The following OSBPL5 variants were observed in gnomAD, a reference collection of about 807,000 sequenced individuals.
OSBPL5 encodes oxysterol binding protein like 5, also known as oxysterol-binding protein-related protein 5.
Under a neutral mutation model 111.2 loss-of-function variants are expected in OSBPL5, and 71 were observed. The ratio of observed to expected loss-of-function variants is 0.64; its 90% CI spans 0.53 to 0.78. The LOEUF (loss-of-function observed/expected upper bound fraction) is 0.78. Ranked by LOEUF, OSBPL5 falls within the 30% of genes least tolerant of loss-of-function variation. The probability of loss-of-function intolerance (pLI) is 0.00; values close to 1 mark genes in which losing one functional copy is unlikely to be tolerated. For missense variants in OSBPL5, 1,210 were observed against 1,189.3 expected (o/e 1.02, Z -0.26); for synonymous variants, 549 against 513.9 (o/e 1.07, Z -0.93).
intron 2 of OSBPL5, among the ~76,000 whole-genome samples, chr11:3,128,302 A>G (rs78888544): frequency 0.18 from 27,167 of 152,066 alleles, 2,416 homozygotes; most frequent in African/African-American, 0.21. Context: ...GTGGGAGGAG[A>G]GGGGGCAGAG....
intron 1 of OSBPL5, among the ~76,000 whole-genome samples, chr11:3,143,769 G>T (rs1846232827): frequency 6.6e-6 from 1 of 152,218 alleles, no homozygotes; most frequent in Admixed American, 6.5e-5. Context: ...ATGACTGGAG[G>T]CTGACCAGAT....
At chr11:3,102,045 G>T in intron 12 of OSBPL5, 138 bp downstream of exon 12, 3 of 791,664 alleles carry the variant, frequency 3.8e-6, no homozygotes. Flanking sequence ...AGCCCTTCCG[G>T]TGTGCAGGAT....
chr11:3,087,942 G>A lies in OSBPL5; in HGVS notation c.*263C>T, dbSNP rs990874663. The A allele has an allele frequency of 2.9e-5, 10 of 339,620 alleles. No individual in the cohort carries two copies. Among genetic ancestry groups the A allele is most frequent in the African/African-American group, 1.3e-4 (6 of 47,254 alleles). The allele number at this position is 339,620 out of a possible 1,614,324, so 21.0% of individuals were successfully genotyped here. On this transcript the variant is annotated 3_prime_UTR_variant, in exon 22 of 22. Coordinates refer to ENST00000263650, the MANE Select transcript of OSBPL5 (RefSeq NM_020896.4). Reference sequence around the variant, plus strand: ...GACACGGCAAGATGGCCAGGAGTGCGTCGCACAGCAGAAGCTGCATTTGGC... The same window carrying A: ...GACACGGCAAGATGGCCAGGAGTGCATCGCACAGCAGAAGCTGCATTTGGC...
At chr11:3,093,941 G>T in intron 15 of OSBPL5, 106 bp from the exon 16 acceptor site, 1 of 1,374,246 alleles carries the variant, frequency 7.3e-7, no homozygotes, top group Non-Finnish European at 9.9e-7. Context: ...GTGCCTGGGA[G>T]CCCAGGAGGG....
intron 1 of OSBPL5, among the ~76,000 whole-genome samples, chr11:3,136,447 G>A (rs539300446): frequency 1.4e-4 from 22 of 152,398 alleles, no homozygotes; most frequent in Non-Finnish European, 4.4e-5. Flanking sequence ...GGGAAAGGCT[G>A]AAGCTCTGAG....
intron 3 of OSBPL5, among the ~76,000 whole-genome samples, chr11:3,124,579 G>C (rs941211286): frequency 1.3e-5 from 2 of 152,082 alleles, no homozygotes; most frequent in African/African-American, 4.8e-5. Flanking sequence ...TCTTTCTCAG[G>C]CTCCCTGAGC....
chr11:3,152,239 A>G (rs1846614809), intron 1 of OSBPL5, among the ~76,000 whole-genome samples: 1 of 152,232 alleles, frequency 6.6e-6, no homozygotes, highest in African/African-American at 2.4e-5. Context: ...GTTCGTGTTC[A>G]TGGTGCGTGT....
intron 1 of OSBPL5, among the ~76,000 whole-genome samples, chr11:3,139,168 A>T (rs1241643969): frequency 1.3e-5 from 2 of 152,086 alleles, no homozygotes; most frequent in Non-Finnish European, 2.9e-5. Context: ...CGTTCAGGGG[A>T]CCCTGGGGTG....
At chr11:3,133,809 G>T (rs955042751) in intron 1 of OSBPL5, among the ~76,000 whole-genome samples, 2 of 152,228 alleles carry the variant, frequency 1.3e-5, no homozygotes, top group African/African-American at 4.8e-5. Flanking sequence ...CCCACGGTGA[G>T]ACTGTCCCTG....
At chr11:3,097,093 GA>G (rs372473069) in intron 14 of OSBPL5, among the ~76,000 whole-genome samples, 5 of 125,474 alleles carry the variant, frequency 4.0e-5, no homozygotes, top group Non-Finnish European at 7.0e-5. Flanking sequence ...GAAGAGGAAA[GA>G]GGGGGAAGAT....
intron 1 of OSBPL5, among the ~76,000 whole-genome samples, chr11:3,147,935 C>T (rs1293209414): frequency 6.6e-6 from 1 of 152,168 alleles, no homozygotes; most frequent in Non-Finnish European, 1.5e-5. Flanking sequence ...CCTCACCGAG[C>T]TGCCCTCGGT....
At position 3,146,959 on chromosome 11, in the gene OSBPL5, G is replaced by A. The variant is rs1846370808; in HGVS notation, c.-21-17790C>T. ...AGGTGGCTCAGCTGAGGGCACGGGG[G>A]CCTTGGCAGCTGTCACGACCCTCCT... is the stretch of plus-strand genomic sequence containing the variant. On this transcript the variant is annotated intron_variant, in intron 1 of 21. Transcript: ENST00000263650. This position sits in a 1 kb window ranked among gnomAD's most constrained non-coding sequence, Gnocchi z 7.8. Among the ~76,000 whole-genome samples, 1 of 152,160 alleles carries A rather than the reference G, an allele frequency of 6.6e-6. No homozygotes were observed.
intron 13 of OSBPL5, among the ~76,000 whole-genome samples, chr11:3,101,037 C>A (rs1482507841): frequency 6.7e-6 from 1 of 149,776 alleles, no homozygotes; most frequent in Admixed American, 6.7e-5. Flanking sequence ...TACAGTGGCA[C>A]CATCTTGGCT....
chr11:3,098,924 C>G (rs1009146220), intron 14 of OSBPL5, among the ~76,000 whole-genome samples: 2 of 151,896 alleles, frequency 1.3e-5, no homozygotes, highest in Non-Finnish European at 2.9e-5. Context: ...CCCACTTCAA[C>G]CTCCCAAGGC....
chr11:3,119,518 G>T, intron 7 of OSBPL5, 29 bp downstream of exon 7: 1 of 1,560,238 alleles, frequency 6.4e-7, no homozygotes, highest in South Asian at 1.2e-5. Flanking sequence ...GGGGGCACTG[G>T]GGAGATGCGC....
intron 1 of OSBPL5, among the ~76,000 whole-genome samples, chr11:3,138,997 G>A (rs1280436366): frequency 2.6e-5 from 4 of 152,234 alleles, no homozygotes; most frequent in Non-Finnish European, 5.9e-5. Context: ...GTCCGTCTCC[G>A]CCCTCCAGGG....
intron 10 of OSBPL5, among the ~76,000 whole-genome samples, chr11:3,103,956 A>C: frequency 6.7e-6 from 1 of 148,942 alleles, no homozygotes. Flanking sequence ...TGCAGGGCTC[A>C]GGGTGCATGG....
chr11:3,103,764 G>GTCCCTTCCTGCCTCTGCAA (rs1564829950), intron 10 of OSBPL5, among the ~76,000 whole-genome samples: 1 of 29,454 alleles, frequency 3.4e-5, no homozygotes. Flanking sequence ...CAGCTCTGCA[G>GTCCCTTCCTGCCTCTGCAA]CCCCCTTCCA....
At chr11:3,136,303 A>G (rs74049003) in intron 1 of OSBPL5, among the ~76,000 whole-genome samples, 14,316 of 152,302 alleles carry the variant, frequency 0.094, 2,259 homozygotes, top group African/African-American at 0.32. Context: ...TGCCTCCCAG[A>G]CGCTCGCCTT....
Sources: gnomAD v4.1 joint callset for allele counts (sites outside exome capture counted in the v4.1 genomes callset) on GRCh38, gnomAD v4.1.1 for gene constraint, Gnocchi (gnomAD v3.1) non-coding constraint, MANE v1.5 for transcripts, NCBI Gene and HGNC (gene_info 2026-07-23, HGNC 2026-07-21) for gene names.